WASHC2A: variants seen among roughly 807,000 people sequenced by gnomAD.
WASHC2A encodes the protein WASH complex subunit 2A.
A neutral mutation model predicts 140.3 loss-of-function variants in WASHC2A; 82 were observed. That is an observed-to-expected ratio of 0.58 (90% confidence interval 0.49 to 0.70). The LOEUF (loss-of-function observed/expected upper bound fraction) is 0.70. WASHC2A is among the 30% of genes least tolerant of loss of function. The probability of loss-of-function intolerance (pLI) is 0.00; values close to 1 mark genes in which losing one functional copy is unlikely to be tolerated. For synonymous variants in WASHC2A, 340 were observed against 560.8 expected, an observed-to-expected ratio of 0.61 and a Z score of 5.56; for missense variants, 985 against 1,521.8, an observed-to-expected ratio of 0.65 and a Z score of 5.87.
intron 7 of WASHC2A, among the ~76,000 whole-genome samples, chr10:50,086,507 C>T (rs1839393826): frequency 6.6e-6 from 1 of 151,946 alleles, no homozygotes; most frequent in Non-Finnish European, 1.5e-5. Flanking sequence ...AGGTTAGTTA[C>T]ATATGTATAC....
At chr10:50,090,227 C>T (rs868943310) in intron 8 of WASHC2A, among the ~76,000 whole-genome samples, 6,027 of 150,944 alleles carry the variant, frequency 0.04, 386 homozygotes, top group African/African-American at 0.14. Context: ...TTAGGCCGGG[C>T]TTGGTGGCTC....
intron 8 of WASHC2A, among the ~76,000 whole-genome samples, chr10:50,088,997 C>T (rs1485009580): frequency 7.9e-6 from 1 of 126,684 alleles, no homozygotes; most frequent in Admixed American, 9.3e-5. Flanking sequence ...CAGAGTCTCT[C>T]TCTGTTACCC....
intron 19 of WASHC2A, among the ~76,000 whole-genome samples, chr10:50,107,629 A>G (rs1841913056): frequency 6.6e-6 from 1 of 152,156 alleles, no homozygotes; most frequent in South Asian, 2.1e-4. Context: ...AAATGTATTA[A>G]AAGCTTATGC....
At chr10:50,081,892 C>T (rs1218746176) in intron 5 of WASHC2A, among the ~76,000 whole-genome samples, 1 of 152,162 alleles carries the variant, frequency 6.6e-6, no homozygotes, top group Non-Finnish European at 1.5e-5. Context: ...CTTGGCCTCC[C>T]AAAGTGCTGG....
intron 23 of WASHC2A, among the ~76,000 whole-genome samples, chr10:50,124,644 AG>A (rs1214105346): frequency 6.6e-6 from 1 of 152,116 alleles, no homozygotes; most frequent in East Asian, 1.9e-4. Context: ...CTTACAGGTG[AG>A]GGACACATAC....
chr10:50,076,808 A>T (rs1220747428), intron 3 of WASHC2A, among the ~76,000 whole-genome samples: 12 of 148,614 alleles, frequency 8.1e-5, no homozygotes, highest in Non-Finnish European at 1.6e-4. Context: ...GTGAAACCCC[A>T]TCTCTACTAA....
chr10:50,115,627 G>T (rs1373457325), intron 21 of WASHC2A, among the ~76,000 whole-genome samples: 6 of 138,450 alleles, frequency 4.3e-5, no homozygotes, highest in Admixed American at 3.8e-4. Flanking sequence ...TTGATTTTGT[G>T]CTGCCTTTGT....
At chr10:50,077,151 G>T (rs1350815146) in intron 3 of WASHC2A, among the ~76,000 whole-genome samples, 2 of 151,288 alleles carry the variant, frequency 1.3e-5, no homozygotes, top group South Asian at 4.2e-4. Context: ...CAAATTAGCC[G>T]GGTGTGGTGG....
At position 50,118,003 on chromosome 10, in the gene WASHC2A, A is replaced by C. The variant is rs1237284763; in HGVS notation, c.2240A>C (p.Glu747Ala). The C allele has an allele frequency of 1.9e-6, 3 of 1,605,046 alleles. No homozygotes were observed. The African/African-American group carries it at 4.1e-5, about 22-fold the overall frequency. ...GTGAAGTCTGTGGATAAGAAGGTTG[A>C]GAGTGCCAAGGAGTCATTAAAATTT... is the stretch of plus-strand genomic sequence containing the variant. Reference protein sequence around the residue: ...LGVKSVDKKVESAKESLKFGR... With the variant: ...LGVKSVDKKVASAKESLKFGR... Residue 747 changes from glutamate to alanine, a missense_variant, in exon 22 of 31, where the codon GAG (glutamate) becomes GCG (alanine). Transcript: ENST00000282633.
chr10:50,089,698 C>T (rs1162619013), intron 8 of WASHC2A, among the ~76,000 whole-genome samples: 1 of 152,188 alleles, frequency 6.6e-6, no homozygotes, highest in African/African-American at 2.4e-5. Context: ...TTTGCTTGAC[C>T]TACCTTGGAT....
At chr10:50,080,541 A>G (rs1838800823) in intron 4 of WASHC2A, among the ~76,000 whole-genome samples, 1 of 131,244 alleles carries the variant, frequency 7.6e-6, no homozygotes. Context: ...AACCTTAGGT[A>G]GTTTGATGCA....
In WASHC2A at chr10:50,091,519, G is replaced by A. The variant is rs1265558240; in HGVS notation, c.931+1G>A. Reference sequence around the variant, plus strand: ...GGTCGAGTGGACGAGGAGCCGACAAGTGAGCCCCAGCCGCGTTGATGGGGA... The same window carrying A: ...GGTCGAGTGGACGAGGAGCCGACAAATGAGCCCCAGCCGCGTTGATGGGGA... On this transcript the variant is annotated splice_donor_variant, in intron 10 of 30. Transcript: ENST00000282633. LOFTEE classifies it high-confidence loss of function. 8.8e-5 allele frequency: 136 copies of A among 1,549,632 alleles called. No homozygotes were observed. The highest frequency in any genetic ancestry group is 4.6e-4 in the Middle Eastern group (2 of 4,360).
rs199799735 is a variant in WASHC2A at position 50,093,365 on chromosome 10, C to G, written c.1101C>G (p.Leu367=). 4,088 of 1,312,108 alleles carry G rather than the reference C, an allele frequency of 3.1e-3. 319 individuals carry two copies. The African/African-American group carries it at 0.054, about 17-fold the overall frequency. 81.3% of individuals were successfully genotyped at this position (1,312,108 alleles called of 1,614,324 possible). A position where few individuals can be genotyped will look rare whatever the true frequency, so the allele number is the denominator to read the frequency against. The change falls in exon 12 of 31, where the codon CTC becomes CTG. Residue 367 remains leucine, a synonymous_variant. Coordinates refer to ENST00000282633, the MANE Select transcript of WASHC2A (RefSeq NM_001005751.3). ...GGGLFSGGKG[L]FDDEDEESDL... is the part of the protein sequence containing the mutation. ...GCCTGTTCAGTGGGGGCAAGGGGCTCTTTGATGATGAGGACGAGGAGGTGA... is the reference window on the plus strand; with the variant it reads ...GCCTGTTCAGTGGGGGCAAGGGGCTGTTTGATGATGAGGACGAGGAGGTGA...
At chr10:50,128,282 C>A (rs922096390) in intron 28 of WASHC2A, among the ~76,000 whole-genome samples, 2 of 152,142 alleles carry the variant, frequency 1.3e-5, no homozygotes, top group African/African-American at 4.8e-5. Context: ...CCTGAACACA[C>A]ATGGTCTGTT....
chr10:50,101,220 T>C (rs2132707464), intron 17 of WASHC2A, among the ~76,000 whole-genome samples: 1 of 152,430 alleles, frequency 6.6e-6, no homozygotes, highest in Admixed American at 6.5e-5. Context: ...AACAGCATGA[T>C]GGGGCCTCCA....
At position 50,119,293 on chromosome 10, in the gene WASHC2A, A is replaced by G. The variant is rs1554892761; in HGVS notation, c.2296-294A>G. Among the ~76,000 whole-genome samples the G allele has an allele frequency of 1.6e-5, 2 of 123,952 alleles. 1 individual carries two copies. The allele number at this position is 123,952 out of a possible 152,430, so 81.3% of individuals were successfully genotyped here. A position where few individuals can be genotyped will look rare whatever the true frequency, so the allele number is the denominator to read the frequency against. ...AGTTCTTCCTAGTTCATGAGCAACC[A>G]GTGTGCATCAGGATTATAGCCATCC... On this transcript the variant is annotated intron_variant, in intron 22 of 30. Transcript: ENST00000282633.
chr10:50,084,775 A>G (rs1839242967), intron 6 of WASHC2A, among the ~76,000 whole-genome samples: 1 of 138,910 alleles, frequency 7.2e-6, no homozygotes, highest in Non-Finnish European at 1.5e-5. Context: ...CTCTCTGGTC[A>G]CCCAGGCTGG....
At chr10:50,105,371 C>T (rs1320064875) in intron 18 of WASHC2A, among the ~76,000 whole-genome samples, 1 of 137,606 alleles carries the variant, frequency 7.3e-6, no homozygotes, top group African/African-American at 2.8e-5. Context: ...GGGCAAGTAA[C>T]TTAACCTTCC....
At chr10:50,100,826 C>T (rs1332657519) in intron 17 of WASHC2A, among the ~76,000 whole-genome samples, 2 of 152,288 alleles carry the variant, frequency 1.3e-5, no homozygotes, top group African/African-American at 4.8e-5. Flanking sequence ...GCTTTGGTCC[C>T]TCCAGGCACC....
Sources: allele counts gnomAD v4.1 joint callset (sites outside exome capture counted in the v4.1 genomes callset), GRCh38; gene constraint gnomAD v4.1.1; transcripts MANE v1.5; gene names NCBI Gene and HGNC (gene_info 2026-07-23, HGNC 2026-07-21).